CYP4A11: variants seen among roughly 807,000 people sequenced by gnomAD.
CYP4A11 encodes the protein cytochrome P450 family 4 subfamily A member 11.
In CYP4A11, 52 loss-of-function variants were observed where a neutral mutation model predicts 57.7. The observed-to-expected ratio is 0.90, with a 90% CI of 0.72 to 1.14. The LOEUF (loss-of-function observed/expected upper bound fraction) is 1.14. Among genes scored for constraint, CYP4A11 ranks in the 50% most tolerant of loss-of-function variants. The pLI is 0.00. For missense variants in CYP4A11, 641 were observed against 642.1 expected (o/e 1.00, Z 0.02); for synonymous variants, 228 against 247.1 (o/e 0.92, Z 0.72).
rs1570043474 is a variant in CYP4A11 at position 46,930,234 on chromosome 1, G to A, written c.1441C>T (p.Leu481=). 2.5e-6 allele frequency: 4 copies of A among 1,614,126 alleles called. No homozygotes were observed. The highest frequency in any genetic ancestry group is 3.4e-6 in the Non-Finnish European group (4 of 1,179,994). The part of the protein sequence containing the change: ...TALTLLRFEL[L]PDPTRIPIPI... The stretch of plus-strand genomic sequence containing the variant: ...ATGGGGATCCTGGTGGGATCAGGCA[G>A]CAGCTCAAAGCGGAGCAGGGTCAGG... The change falls in exon 12 of 12, where the codon CTG becomes TTG. Residue 481 remains leucine, a synonymous_variant. Coordinates refer to ENST00000310638, the MANE Select transcript of CYP4A11 (RefSeq NM_000778.4).
intron 9 of CYP4A11, among the ~76,000 whole-genome samples, chr1:46,933,640 A>G (rs1036263767): frequency 1.3e-5 from 2 of 152,202 alleles, no homozygotes; most frequent in African/African-American, 4.8e-5. Context: ...ATGAGGAAAG[A>G]AACACATCCC....
Position 46,930,257 on chromosome 1 carries a change from A to T in CYP4A11, c.1418T>A (p.Leu473Gln), listed in dbSNP as rs551830245. 6.2e-7 allele frequency: 1 copy of T among 1,614,096 alleles called. No individual in the cohort carries two copies. Among genetic ancestry groups the T allele is most frequent in the Admixed American group, 1.7e-5 (1 of 60,012 alleles). Residue 473 changes from leucine to glutamine, a missense_variant, in exon 12 of 12, where the codon CTG becomes CAG. Leu to Gln is a moderately radical substitution (Grantham distance 113, BLOSUM62 -2). Transcript: ENST00000310638. ...CAGCAGCTCAAAGCGGAGCAGGGTC[A>T]GGGCCGTGGCCACCTTCAGCTCGTT... ...AMNELKVATA[L>Q]TLLRFELLPD...
intron 1 of CYP4A11, 120 bp downstream of exon 1, chr1:46,941,119 T>C: frequency 6.9e-7 from 1 of 1,451,826 alleles, no homozygotes; most frequent in African/African-American, 1.4e-5. Flanking sequence ...GTAGGCTGGG[T>C]GTTCCTTTGA....
intron 3 of CYP4A11, among the ~76,000 whole-genome samples, chr1:46,937,093 C>T (rs1295341763): frequency 2.0e-5 from 3 of 152,096 alleles, no homozygotes; most frequent in East Asian, 3.8e-4. Flanking sequence ...CTGGAGAGAA[C>T]TGAGACATGA....
chr1:46,936,815 TTGTGTGTGTGTGTGTG>T (rs35456301), intron 3 of CYP4A11, 24 bp from the exon 4 acceptor site: 2 of 1,449,682 alleles, frequency 1.4e-6, no homozygotes, highest in African/African-American at 1.4e-5. Flanking sequence ...GAATGTGTGT[TTGTGTGTGTGTGTGTG>T]TGTGTGTGTG....
intron 2 of CYP4A11, 86 bp from the exon 3 acceptor site, chr1:46,937,432 A>G (rs370107932): frequency 6.9e-7 from 1 of 1,453,072 alleles, no homozygotes; most frequent in East Asian, 2.3e-5. Context: ...GGTGTCTGTC[A>G]GTTGGCAGTT....
At position 46,935,104 on chromosome 1, in the gene CYP4A11, A is replaced by T; in HGVS notation, c.686T>A (p.Phe229Tyr). 6.2e-7 allele frequency: 1 copy of T among 1,614,198 alleles called. No individual in the cohort carries two copies. The highest frequency in any genetic ancestry group is 8.5e-7 in the Non-Finnish European group (1 of 1,180,038). The change falls in exon 6 of 12, where the codon TTT (phenylalanine) becomes TAT (tyrosine). Residue 229 changes from phenylalanine (F) to tyrosine (Y), a missense_variant. Coordinates refer to ENST00000310638, the MANE Select transcript of CYP4A11 (RefSeq NM_000778.4). ...QAISDLNNLV[F>Y]SRVRNAFHQN... Reference sequence around the variant, plus strand: ...GTGAAAGGCATTCCTCACACGGGAAAAAACCAGGTTGTTCAGGTCACTAAT... The same window carrying T: ...GTGAAAGGCATTCCTCACACGGGAATAAACCAGGTTGTTCAGGTCACTAAT...
rs369378406 is a variant in CYP4A11 at position 46,934,458 on chromosome 1, C to T, written c.892G>A (p.Ala298Thr). The change falls in exon 7 of 12, where the codon GCC (alanine) becomes ACC (threonine). Residue 298 changes from alanine to threonine, a missense_variant. Ala to Thr is a moderately conservative substitution (Grantham distance 58). Transcript: ENST00000310638. The part of the protein sequence containing the change: ...HLDFLDILLL[A>T]KMENGSILSD... ...CCTCTCCTACACATACTCACTTTGG[C>T]CAAGAGGAGGATATCCAGAAAATCC... is the stretch of plus-strand genomic sequence containing the variant. The T allele has an allele frequency of 6.2e-7, 1 of 1,613,494 alleles. No homozygotes were observed. Among genetic ancestry groups the T allele is most frequent in the African/African-American group, 1.3e-5 (1 of 74,826 alleles).
At position 46,933,979 on chromosome 1, in the gene CYP4A11, C is replaced by A; in HGVS notation, c.1189G>T (p.Val397Phe). Residue 397 changes from valine (V) to phenylalanine (F), a missense_variant, in exon 9 of 12, where the codon GTC becomes TTC. Val to Phe is a conservative substitution (Grantham distance 50, BLOSUM62 -1). Coordinates refer to ENST00000310638, the MANE Select transcript of CYP4A11 (RefSeq NM_000778.4). ...PGIGRELSTP[V>F]TFPDGRSLPK... The stretch of plus-strand genomic sequence containing the variant: ...AAGGAGCGCCCATCAGGGAAGGTGA[C>A]GGGAGTGCTGAGCTCTCTGCCAATG... 6.2e-7 allele frequency: 1 copy of A among 1,614,054 alleles called. No individual in the cohort carries two copies. The highest frequency in any genetic ancestry group is 1.1e-5 in the South Asian group (1 of 91,064).
intron 1 of CYP4A11, among the ~76,000 whole-genome samples, chr1:46,938,614 T>C (rs1681565336): frequency 6.6e-6 from 1 of 152,216 alleles, no homozygotes; most frequent in Admixed American, 6.5e-5. Context: ...GGGATGTGTA[T>C]TGGTAAGCAA....
chr1:46,934,309 T>G lies in CYP4A11; in HGVS notation c.955A>C (p.Met319Leu). ...KDLRAEVDTF[M>L]FEGHDTTASG... The stretch of plus-strand genomic sequence containing the variant: ...GCTGTGGTGTCGTGGCCCTCAAACA[T>G]GAACGTGTCCACCTCAGCACGGAGG... The change falls in exon 8 of 12, where the codon ATG becomes CTG. Residue 319 changes from methionine to leucine, a missense_variant. Met to Leu is a conservative substitution (Grantham distance 15). Transcript: ENST00000310638. 1 of 1,609,742 alleles carries G rather than the reference T, an allele frequency of 6.2e-7. No individual in the cohort carries two copies. Among genetic ancestry groups the G allele is most frequent in the East Asian group, 2.2e-5 (1 of 44,644 alleles).
intron 11 of CYP4A11, 47 bp downstream of exon 11, chr1:46,932,714 A>C: frequency 6.2e-7 from 1 of 1,614,104 alleles, no homozygotes; most frequent in South Asian, 1.1e-5. Context: ...GGTTGACCAG[A>C]GACTTCCCTC....
intron 5 of CYP4A11, 107 bp from the exon 6 acceptor site, chr1:46,935,261 T>C: frequency 7.4e-7 from 1 of 1,360,012 alleles, no homozygotes; most frequent in South Asian, 1.4e-5. Flanking sequence ...CAAGCAGCCT[T>C]GAGGCAATGT....
At chr1:46,932,020 A>G in intron 11 of CYP4A11, 2 of 985,382 alleles carry the variant, frequency 2.0e-6, no homozygotes, top group Non-Finnish European at 2.4e-6. Flanking sequence ...TACTGTTCAC[A>G]TTTTTATGTT....
At chr1:46,930,476 C>A (rs1194199620) in intron 11 of CYP4A11, among the ~76,000 whole-genome samples, 166 bp from the exon 12 acceptor site, 6 of 152,190 alleles carry the variant, frequency 3.9e-5, no homozygotes, top group Non-Finnish European at 8.8e-5. Flanking sequence ...CCCGTCCTGG[C>A]TTCACACTAT....
chr1:46,934,411 T>C (rs1445495477), intron 7 of CYP4A11, 42 bp downstream of exon 7: 24 of 1,589,982 alleles, frequency 1.5e-5, no homozygotes, highest in Non-Finnish European at 2.1e-5. Context: ...TCTTGCTATG[T>C]ACTTCTGGGC....
Position 46,934,192 on chromosome 1 carries a change from C to T in CYP4A11, c.1072G>A (p.Gly358Arg). 6.2e-7 allele frequency: 1 copy of T among 1,613,912 alleles called. No individual in the cohort carries two copies. The highest frequency in any genetic ancestry group is 1.7e-4 in the Middle Eastern group (1 of 6,058). ...REEIHSLLGD[G>R]ASITWNHLDQ... Reference sequence around the variant, plus strand: ...CTCACTCACCAGGTGATGGAGGCTCCATCACCCAGGAGGCTGTGGATCTCC... The same window carrying T: ...CTCACTCACCAGGTGATGGAGGCTCTATCACCCAGGAGGCTGTGGATCTCC... Residue 358 changes from glycine to arginine, a missense_variant, in exon 8 of 12, where the codon GGA becomes AGA. Gly to Arg is a moderately radical substitution (Grantham distance 125). Coordinates refer to ENST00000310638, the MANE Select transcript of CYP4A11 (RefSeq NM_000778.4).
At chr1:46,937,419 C>A in intron 2 of CYP4A11, 73 bp from the exon 3 acceptor site, 1 of 1,514,420 alleles carries the variant, frequency 6.6e-7, no homozygotes, top group South Asian at 1.1e-5. Flanking sequence ...TGCATCAATT[C>A]TTGGTGTCTG....
chr1:46,938,005 C>A lies in CYP4A11; in HGVS notation c.328G>T (p.Gly110Trp). 1 of 1,614,054 alleles carries A rather than the reference C, an allele frequency of 6.2e-7. No homozygotes were observed. Among genetic ancestry groups the A allele is most frequent in the Non-Finnish European group, 8.5e-7 (1 of 1,180,002 alleles). The change falls in exon 2 of 12, where the codon GGG becomes TGG. Residue 110 changes from glycine (G) to tryptophan (W), a missense_variant. Transcript: ENST00000310638. The part of the protein sequence containing the change: ...YDPDYMKVIL[G>W]RSDPKSHGSY... ...GGGGGTTCGATCTCACCTGATCTCC[C>A]CAGAATCACCTTCATATAGTCAGGG...
Sources: allele counts gnomAD v4.1 joint callset (sites outside exome capture counted in the v4.1 genomes callset), GRCh38; gene constraint gnomAD v4.1.1; transcripts MANE v1.5; gene names NCBI Gene and HGNC (gene_info 2026-07-23, HGNC 2026-07-21).